Variants in PRKCB observed in about 807,000 individuals in gnomAD.
The protein encoded by PRKCB is protein kinase C beta type.
PRKCB carries 13 observed loss-of-function variants against 81.5 expected under a neutral mutation model. That is an observed-to-expected ratio of 0.16 (90% CI 0.10 to 0.25). The LOEUF (loss-of-function observed/expected upper bound fraction) is 0.25, where lower values mean the gene tolerates loss of function less well. PRKCB is among the 10% of genes least tolerant of loss of function. The pLI is 1.00. For synonymous variants in PRKCB, 335 were observed against 321.4 expected (o/e 1.04, Z -0.45); for missense variants, 509 against 875.7 (o/e 0.58, Z 5.29).
chr16:24,103,826 G>T (rs543499610), intron 7 of PRKCB, among the ~76,000 whole-genome samples: 37 of 151,274 alleles, frequency 2.4e-4, no homozygotes, highest in South Asian at 6.3e-4. Context: ...TTTTTCTGAG[G>T]CGGTGTTTCA....
intron 2 of PRKCB, among the ~76,000 whole-genome samples, chr16:23,946,478 A>C (rs1476566644): frequency 6.6e-6 from 1 of 152,188 alleles, no homozygotes; most frequent in Non-Finnish European, 1.5e-5. Flanking sequence ...TCTCTTGCCT[A>C]AATGTCAGTT....
intron 2 of PRKCB, among the ~76,000 whole-genome samples, chr16:23,935,862 G>A (rs893135167): frequency 6.6e-6 from 1 of 152,056 alleles, no homozygotes; most frequent in African/African-American, 2.4e-5. Flanking sequence ...ACTAGACACT[G>A]GACTACTGGA....
chr16:23,887,650 A>G (rs909167429), intron 2 of PRKCB, among the ~76,000 whole-genome samples: 7 of 152,230 alleles, frequency 4.6e-5, no homozygotes, highest in Admixed American at 1.3e-4. Context: ...CAGTGATGCA[A>G]TAAACATGAG....
chr16:23,944,638 A>G (rs1964181562), intron 2 of PRKCB, among the ~76,000 whole-genome samples: 1 of 152,132 alleles, frequency 6.6e-6, no homozygotes, highest in Admixed American at 6.5e-5. Context: ...GGCCCCAGAG[A>G]GCATGCCTTG....
chr16:23,843,474 C>T (rs140315530), intron 2 of PRKCB, among the ~76,000 whole-genome samples: 2 of 152,096 alleles, frequency 1.3e-5, no homozygotes, highest in East Asian at 3.9e-4. Context: ...GGATTTCAGG[C>T]TCAATGTCCC....
At chr16:24,128,176 G>A (rs574201187) in intron 9 of PRKCB, among the ~76,000 whole-genome samples, 42 of 152,028 alleles carry the variant, frequency 2.8e-4, no homozygotes, top group East Asian at 2.3e-3. Flanking sequence ...GGAGTTCGAG[G>A]CCAGCCTGGC....
At chr16:24,135,219 C>T (rs1306157741) in intron 9 of PRKCB, among the ~76,000 whole-genome samples, 2 of 151,326 alleles carry the variant, frequency 1.3e-5, no homozygotes, top group Admixed American at 1.3e-4. Context: ...AGCCTCCAAA[C>T]TTTTCTTCCC....
At chr16:23,982,694 GC>G (rs1696723730) in intron 2 of PRKCB, among the ~76,000 whole-genome samples, 1 of 152,140 alleles carries the variant, frequency 6.6e-6, no homozygotes, top group African/African-American at 2.4e-5. Context: ...CTCCCAAAGT[GC>G]TAGGATTATA....
At chr16:24,043,463 A>G (rs1266344876) in intron 5 of PRKCB, among the ~76,000 whole-genome samples, 1 of 152,108 alleles carries the variant, frequency 6.6e-6, no homozygotes, top group Non-Finnish European at 1.5e-5. Flanking sequence ...GTTAAATCAT[A>G]TCTGTCTATG....
At chr16:23,999,337 T>C (rs1204286397) in intron 3 of PRKCB, among the ~76,000 whole-genome samples, 1 of 152,240 alleles carries the variant, frequency 6.6e-6, no homozygotes, top group East Asian at 1.9e-4. Flanking sequence ...CCCTCTGCTG[T>C]TCCAAGCCCA....
chr16:23,894,606 T>G (rs1289964575), intron 2 of PRKCB, among the ~76,000 whole-genome samples: 5 of 152,228 alleles, frequency 3.3e-5, no homozygotes, highest in Admixed American at 3.3e-4. Context: ...CCTGCATGTG[T>G]GCACAGGTGA....
chr16:23,864,570 T>C (rs1962739421), intron 2 of PRKCB, among the ~76,000 whole-genome samples: 1 of 152,142 alleles, frequency 6.6e-6, no homozygotes, highest in Non-Finnish European at 1.5e-5. Flanking sequence ...TGATAAGTGA[T>C]GGAAAAGAAA....
chr16:23,948,832 C>G (rs1964237599), intron 2 of PRKCB, among the ~76,000 whole-genome samples: 1 of 152,174 alleles, frequency 6.6e-6, no homozygotes, highest in South Asian at 2.1e-4. Flanking sequence ...AGTGGAGGCC[C>G]AGGATTTGAG....
chr16:24,207,352 TAAC>T (rs1280757106), intron 16 of PRKCB, among the ~76,000 whole-genome samples: 3 of 152,182 alleles, frequency 2.0e-5, no homozygotes, highest in South Asian at 2.1e-4. Context: ...AAAATAATAA[TAAC>T]AATACCTGAT....
At chr16:24,091,259 A>G (rs1251342757) in intron 5 of PRKCB, among the ~76,000 whole-genome samples, 2 of 152,136 alleles carry the variant, frequency 1.3e-5, no homozygotes, top group Non-Finnish European at 2.9e-5. Flanking sequence ...TTCTTCTTTG[A>G]TCTATAAATA....
intron 2 of PRKCB, among the ~76,000 whole-genome samples, chr16:23,955,204 C>T (rs936488269): frequency 1.1e-4 from 14 of 130,040 alleles, no homozygotes; most frequent in African/African-American, 3.2e-4. Flanking sequence ...CCTGGGCGAG[C>T]GAGACTGTCT....
At chr16:24,185,214 A>G (rs772179474) in intron 14 of PRKCB, 23 bp downstream of exon 14, 1 of 1,599,508 alleles carries the variant, frequency 6.3e-7, no homozygotes, top group South Asian at 1.1e-5. Flanking sequence ...TAAGTGATCG[A>G]TAAGAGAAGT....
chr16:23,862,596 A>T (rs1345668630), intron 2 of PRKCB, among the ~76,000 whole-genome samples: 3 of 152,116 alleles, frequency 2.0e-5, no homozygotes, highest in African/African-American at 7.2e-5. Context: ...TTCAGGAAAA[A>T]ATTTTTTTTT....
intron 2 of PRKCB, among the ~76,000 whole-genome samples, chr16:23,885,798 C>T (rs9925008): frequency 0.83 from 125,920 of 152,206 alleles, 52,228 homozygotes; most frequent in East Asian, 0.98. Flanking sequence ...AGGAAGCTGG[C>T]GGGGAAATAT....
Sources: gnomAD v4.1 joint callset for allele counts (sites outside exome capture counted in the v4.1 genomes callset) on GRCh38, gnomAD v4.1.1 for gene constraint, MANE v1.5 for transcripts, NCBI Gene and HGNC (gene_info 2026-07-23, HGNC 2026-07-21) for gene names.